The following C1GALT1 variants were observed in gnomAD, a reference collection of about 807,000 sequenced individuals.
C1GALT1 encodes glycoprotein-N-acetylgalactosamine 3-beta-galactosyltransferase 1.
A neutral mutation model predicts 31.0 loss-of-function variants in C1GALT1; 11 were observed. The ratio of observed to expected loss-of-function variants is 0.36; its 90% CI spans 0.22 to 0.59. The LOEUF is 0.59. C1GALT1 is among the 20% of genes least tolerant of loss of function. The pLI, the probability that C1GALT1 is intolerant of heterozygous loss-of-function variation, is 0.79. For missense variants in C1GALT1, 424 were observed against 425.2 expected (o/e 1.00, Z 0.03); for synonymous variants, 175 against 143.6 (o/e 1.22, Z -1.56).
At chr7:7,221,040 A>G (rs983414269) in intron 1 of C1GALT1, among the ~76,000 whole-genome samples, 1 of 152,062 alleles carries the variant, frequency 6.6e-6, no homozygotes, top group Non-Finnish European at 1.5e-5. Flanking sequence ...AGGTTTCATG[A>G]TATGTCTTTA....
intron 3 of C1GALT1, among the ~76,000 whole-genome samples, chr7:7,242,698 G>A (rs1431256583): frequency 2.6e-5 from 4 of 151,828 alleles, no homozygotes; most frequent in African/African-American, 9.7e-5. Context: ...TTGCTTTCTT[G>A]TTCGTTGTAT....
chr7:7,166,437 C>G (rs1363180574), intron 2 of C1GALT1, among the ~76,000 whole-genome samples: 1 of 152,042 alleles, frequency 6.6e-6, no homozygotes, highest in African/African-American at 2.4e-5. Context: ...ATTTTTATAA[C>G]TCTAGAAAAT....
rs746409682 is a variant in C1GALT1 at position 7,234,339 on chromosome 7, T to G, written c.20T>G (p.Leu7Arg). 3.1e-6 allele frequency: 5 copies of G among 1,613,792 alleles called. No individual in the cohort carries two copies. In the Admixed American group the frequency reaches 8.3e-5, roughly 27 times the overall value. The change falls in exon 2 of 4, where the codon CTG becomes CGG. Residue 7 changes from leucine to arginine, a missense_variant. Leu to Arg is a moderately radical substitution (Grantham distance 102, BLOSUM62 -2). Transcript: ENST00000436587. MASKSW[L>R]NFLTFLCGSA... ...CGGGAAATGGCCTCTAAATCCTGGC[T>G]GAATTTTTTAACCTTCCTCTGTGGA...
intron 2 of C1GALT1, among the ~76,000 whole-genome samples, chr7:7,159,384 A>G (rs1780309854): frequency 6.6e-6 from 1 of 152,148 alleles, no homozygotes; most frequent in South Asian, 2.1e-4. Context: ...CAAGAGCAGT[A>G]AAAGACTAGG....
At chr7:7,221,347 T>C (rs1458415452) in intron 1 of C1GALT1, among the ~76,000 whole-genome samples, 1 of 152,246 alleles carries the variant, frequency 6.6e-6, no homozygotes, top group Non-Finnish European at 1.5e-5. Context: ...TTTTAAAAAC[T>C]GATACCTTGT....
chr7:7,225,519 A>G (rs913603828), intron 1 of C1GALT1, among the ~76,000 whole-genome samples: 3 of 152,242 alleles, frequency 2.0e-5, no homozygotes, highest in African/African-American at 2.4e-5. Flanking sequence ...GAAGAAAACT[A>G]TAGAGGGTTT....
rs909573375 is a variant in C1GALT1 at position 7,238,226 on chromosome 7, A to G, written c.221-29A>G. ...ATATTTGGATTTTACATCTATGTAA[A>G]TAACCTTTTAAAATGTTTTGTTTAA... On this transcript the variant is annotated intron_variant, in intron 2 of 3. Transcript: ENST00000436587. The surrounding 1 kb of genome is among the most constrained non-coding windows in gnomAD (Gnocchi z 5.2). The G allele has an allele frequency of 1.1e-5, 17 of 1,530,182 alleles. No homozygotes were observed. Among genetic ancestry groups the G allele is most frequent in the Non-Finnish European group, 1.5e-5 (17 of 1,135,810 alleles). 94.8% of individuals were successfully genotyped at this position (1,530,182 alleles called of 1,614,324 possible). A position where few individuals can be genotyped will look rare whatever the true frequency, so the allele number is the denominator to read the frequency against.
chr7:7,191,073 C>A (rs1554290214), intron 1 of C1GALT1, among the ~76,000 whole-genome samples: 1 of 152,128 alleles, frequency 6.6e-6, no homozygotes, highest in South Asian at 2.1e-4. Context: ...CAACCATCAC[C>A]GCTGTTTATC....
At chr7:7,204,957 T>A (rs1322310457) in intron 1 of C1GALT1, among the ~76,000 whole-genome samples, 1 of 152,198 alleles carries the variant, frequency 6.6e-6, no homozygotes, top group Non-Finnish European at 1.5e-5. Context: ...ACATGGTGTA[T>A]CCTGGGAAAT....
chr7:7,230,914 ATGTTT>A (rs1783045929), intron 1 of C1GALT1, among the ~76,000 whole-genome samples: 1 of 152,090 alleles, frequency 6.6e-6, no homozygotes, highest in Admixed American at 6.6e-5. Context: ...CTTTCAAAAA[ATGTTT>A]TATTATAGCC....
chr7:7,162,343 T>C (rs1349546468), intron 2 of C1GALT1, among the ~76,000 whole-genome samples: 3 of 142,558 alleles, frequency 2.1e-5, no homozygotes, highest in African/African-American at 7.8e-5. Flanking sequence ...TCAATTCCCA[T>C]CTATGAGTGA....
chr7:7,202,921 G>A (rs549486566), intron 1 of C1GALT1, among the ~76,000 whole-genome samples: 9 of 152,006 alleles, frequency 5.9e-5, no homozygotes, highest in African/African-American at 2.2e-4. Flanking sequence ...TGTAGTTTTT[G>A]TCGTACAGAT....
At chr7:7,169,695 C>G (rs1213805254) in intron 2 of C1GALT1, among the ~76,000 whole-genome samples, 4 of 152,086 alleles carry the variant, frequency 2.6e-5, no homozygotes, top group African/African-American at 9.7e-5. Flanking sequence ...AGTGTCTATG[C>G]AAGTCTTTTG....
chr7:7,207,268 T>A (rs888451271), intron 1 of C1GALT1, among the ~76,000 whole-genome samples: 1 of 151,694 alleles, frequency 6.6e-6, no homozygotes, highest in African/African-American at 2.4e-5. Context: ...TATTGTACTT[T>A]TCGGCTTCAG....
At chr7:7,241,030 A>G (rs1271938483) in intron 3 of C1GALT1, among the ~76,000 whole-genome samples, 1 of 152,048 alleles carries the variant, frequency 6.6e-6, no homozygotes, top group Non-Finnish European at 1.5e-5. Flanking sequence ...CCTTCTTAGT[A>G]ATAGACTTTT....
chr7:7,221,348 G>T (rs1782503793), intron 1 of C1GALT1, among the ~76,000 whole-genome samples: 2 of 152,024 alleles, frequency 1.3e-5, no homozygotes, highest in Middle Eastern at 3.2e-3. Flanking sequence ...TTTAAAAACT[G>T]ATACCTTGTT....
intron 1 of C1GALT1, among the ~76,000 whole-genome samples, chr7:7,205,292 A>G (rs1161867784): frequency 3.9e-5 from 6 of 152,172 alleles, no homozygotes; most frequent in Admixed American, 3.9e-4. Flanking sequence ...TGACTTTTCT[A>G]AAGTTTACTA....
intron 1 of C1GALT1, among the ~76,000 whole-genome samples, chr7:7,183,294 T>C (rs1016832607): frequency 1.3e-5 from 2 of 152,000 alleles, no homozygotes; most frequent in Admixed American, 6.5e-5. Context: ...GTTGGGCACC[T>C]TCGCCGGGGA....
At position 7,187,898 on chromosome 7, in the gene C1GALT1, A is replaced by G. The variant is rs34437294; in HGVS notation, c.-18+5078A>G. Among the ~76,000 whole-genome samples the G allele has an allele frequency of 2.9e-3, 435 of 152,322 alleles. 1 individual carries two copies. The highest frequency in any genetic ancestry group is 0.01 in the Middle Eastern group (3 of 294). ...TCTAGGTCATAGCCTTTATTTATAT[A>G]TCATGTTAATAAAAAATGTTTAGTT... On this transcript the variant is annotated intron_variant, in intron 1 of 3. Transcript: ENST00000436587.
Sources: allele counts gnomAD v4.1 joint callset (sites outside exome capture counted in the v4.1 genomes callset), GRCh38; gene constraint gnomAD v4.1.1; non-coding constraint Gnocchi (gnomAD v3.1); transcripts MANE v1.5; gene names NCBI Gene and HGNC (gene_info 2026-07-23, HGNC 2026-07-21).